Variants in WWOX observed in about 807,000 individuals in gnomAD.
WWOX encodes the protein WW domain containing oxidoreductase, also known as WW domain-containing oxidoreductase.
A neutral mutation model predicts 46.2 loss-of-function variants in WWOX; 69 were observed. The ratio of observed to expected loss-of-function variants is 1.49; its 90% CI spans 1.23 to 1.82. The LOEUF (loss-of-function observed/expected upper bound fraction) is 1.82. Among genes scored for constraint, WWOX ranks in the 40% most tolerant of loss-of-function variants. The probability of loss-of-function intolerance (pLI) is 0.00; values close to 1 mark genes in which losing one functional copy is unlikely to be tolerated. For synonymous variants in WWOX, 359 were observed against 202.6 expected (o/e 1.77, Z -6.56); for missense variants, 919 against 542.6 (o/e 1.69, Z -6.89).
chr16:79,148,461 C>T (rs949533713), intron 8 of WWOX, among the ~76,000 whole-genome samples: 1 of 152,150 alleles, frequency 6.6e-6, no homozygotes, highest in Non-Finnish European at 1.5e-5. Flanking sequence ...GTCTTCATTA[C>T]TATAGCTATG....
At chr16:78,929,231 G>C (rs949405456) in intron 8 of WWOX, among the ~76,000 whole-genome samples, 2 of 150,728 alleles carry the variant, frequency 1.3e-5, no homozygotes, top group Non-Finnish European at 2.9e-5. Flanking sequence ...AGTTCTGTTG[G>C]GCTTTTATGT....
intron 8 of WWOX, among the ~76,000 whole-genome samples, chr16:79,110,437 C>G (rs544292739): frequency 2.0e-5 from 3 of 152,298 alleles, no homozygotes; most frequent in African/African-American, 7.2e-5. Context: ...GGAGTCCTGC[C>G]TCCAGCTGTG....
At chr16:79,203,493 G>A (rs1015523230) in intron 8 of WWOX, 1 of 138,482 alleles carries the variant, frequency 7.2e-6, no homozygotes, top group Non-Finnish European at 1.5e-5. Flanking sequence ...CGGAGACCTT[G>A]TGTTTTTTTT....
chr16:78,977,523 C>G (rs937461629), intron 8 of WWOX, among the ~76,000 whole-genome samples: 1 of 152,168 alleles, frequency 6.6e-6, no homozygotes, highest in African/African-American at 2.4e-5. Context: ...TAGACGCCCT[C>G]TCTGCATGTG....
intron 8 of WWOX, among the ~76,000 whole-genome samples, chr16:78,788,296 C>G (rs999637622): frequency 2.8e-4 from 42 of 151,890 alleles, no homozygotes; most frequent in African/African-American, 9.7e-4. Flanking sequence ...TCTCATAGCC[C>G]TTGTTGCAGT....
intron 8 of WWOX, among the ~76,000 whole-genome samples, chr16:78,708,069 T>C (rs918792900): frequency 1.3e-4 from 20 of 152,122 alleles, no homozygotes; most frequent in East Asian, 5.8e-4. Flanking sequence ...CTCACACTTA[T>C]AATCCCAGCA....
At chr16:78,337,393 C>G (rs955937160) in intron 5 of WWOX, among the ~76,000 whole-genome samples, 1 of 152,204 alleles carries the variant, frequency 6.6e-6, no homozygotes, top group African/African-American at 2.4e-5. Flanking sequence ...TGTGTACCCA[C>G]TGATCCCTGG....
At chr16:78,340,017 T>TAG (rs796485170) in intron 5 of WWOX, among the ~76,000 whole-genome samples, 1 of 6,776 alleles carries the variant, frequency 1.5e-4, no homozygotes, top group Non-Finnish European at 3.4e-4. Context: ...ATGGATTTGG[T>TAG]GGGGGGGGGG....
At chr16:78,699,321 C>A (rs2048163846) in intron 8 of WWOX, among the ~76,000 whole-genome samples, 1 of 150,746 alleles carries the variant, frequency 6.6e-6, no homozygotes, top group African/African-American at 2.5e-5. Flanking sequence ...ATCGCTTGAG[C>A]TGAGGAGTTT....
chr16:78,309,414 A>T (rs1327331871), intron 5 of WWOX, among the ~76,000 whole-genome samples: 1 of 152,188 alleles, frequency 6.6e-6, no homozygotes, highest in Admixed American at 6.5e-5. Flanking sequence ...ACCCAGTTTC[A>T]GGCAGTTCTT....
intron 5 of WWOX, chr16:78,355,728 A>AG (rs1333165677): frequency 4.8e-5 from 35 of 731,868 alleles, no homozygotes; most frequent in African/African-American, 4.7e-4. Flanking sequence ...GAAATTGATG[A>AG]GGAAACATAT....
In WWOX at chr16:78,578,196, A is replaced by G. The variant is rs962116229; in HGVS notation, c.1056+145444A>G. ...ATTAAAAATAATCTCATACCACTGG[A>G]TTAGTCTCTTGCCTTTCAATTTTAT... On this transcript the variant is annotated intron_variant, in intron 8 of 8. Coordinates refer to ENST00000566780, the MANE Select transcript of WWOX (RefSeq NM_016373.4). Among the ~76,000 whole-genome samples, 41 of 135,678 alleles carry G rather than the reference A, an allele frequency of 3.0e-4. No homozygotes were observed. In the East Asian group the frequency reaches 8.7e-3, roughly 29 times the overall value. The allele number at this position is 135,678 out of a possible 152,430, so 89.0% of individuals were successfully genotyped here.
At chr16:78,679,476 G>T (rs918538752) in intron 8 of WWOX, among the ~76,000 whole-genome samples, 4 of 152,032 alleles carry the variant, frequency 2.6e-5, no homozygotes, top group Non-Finnish European at 4.4e-5. Context: ...ACTTGATCCC[G>T]GGGGGCAGAG....
chr16:78,825,003 A>G (rs2051609197), intron 8 of WWOX, among the ~76,000 whole-genome samples: 1 of 152,230 alleles, frequency 6.6e-6, no homozygotes, highest in Non-Finnish European at 1.5e-5. Flanking sequence ...AGCCATAAAC[A>G]AAGTGCTCTG....
At chr16:79,092,876 T>C (rs1464516954) in intron 8 of WWOX, among the ~76,000 whole-genome samples, 1 of 151,694 alleles carries the variant, frequency 6.6e-6, no homozygotes. Context: ...TCCATAGGAG[T>C]GGAGTTTGGA....
intron 8 of WWOX, among the ~76,000 whole-genome samples, chr16:78,905,705 G>T (rs915171394): frequency 6.6e-6 from 1 of 152,164 alleles, no homozygotes; most frequent in African/African-American, 2.4e-5. Context: ...TTAATAAAAG[G>T]ATGGACCATG....
intron 8 of WWOX, among the ~76,000 whole-genome samples, chr16:78,690,414 C>T (rs192409318): frequency 3.0e-4 from 46 of 152,106 alleles, no homozygotes; most frequent in African/African-American, 9.4e-4. Context: ...TAGCCAGGTG[C>T]GGAGGCATTC....
At chr16:78,416,536 G>C (rs2082801084) in intron 6 of WWOX, among the ~76,000 whole-genome samples, 2 of 152,196 alleles carry the variant, frequency 1.3e-5, no homozygotes, top group Non-Finnish European at 2.9e-5. Flanking sequence ...GGTTTTCCCA[G>C]GTCCTCTGTG....
At chr16:78,769,052 T>G (rs1263312890) in intron 8 of WWOX, among the ~76,000 whole-genome samples, 3 of 152,172 alleles carry the variant, frequency 2.0e-5, no homozygotes, top group Non-Finnish European at 4.4e-5. Flanking sequence ...AGAGAGTTGT[T>G]GGGGTTGGGT....
Sources: allele counts gnomAD v4.1 joint callset (sites outside exome capture counted in the v4.1 genomes callset), GRCh38; gene constraint gnomAD v4.1.1; transcripts MANE v1.5; gene names NCBI Gene and HGNC (gene_info 2026-07-23, HGNC 2026-07-21).